The following TIAM2 variants were observed in gnomAD, a reference collection of about 807,000 sequenced individuals.
The protein encoded by TIAM2 is TIAM Rac1 associated GEF 2.
Under a neutral mutation model 152.9 loss-of-function variants are expected in TIAM2, and 80 were observed. That is an observed-to-expected ratio of 0.52 (90% CI 0.44 to 0.63). TIAM2 has a LOEUF of 0.63. TIAM2 is among the 30% of genes least tolerant of loss of function. The probability of loss-of-function intolerance (pLI) is 0.00; values close to 1 mark genes in which losing one functional copy is unlikely to be tolerated. For synonymous variants in TIAM2, 804 were observed against 838.0 expected (o/e 0.96, Z 0.70); for missense variants, 1,965 against 2,120.1 (o/e 0.93, Z 1.44).
intron 19 of TIAM2, 84 bp from the exon 20 acceptor site, chr6:155,247,916 T>C: frequency 5.5e-6 from 8 of 1,463,530 alleles, no homozygotes; most frequent in Non-Finnish European, 7.4e-6. Flanking sequence ...TAGAAATAGA[T>C]GATCTATAAA....
intron 4 of TIAM2, among the ~76,000 whole-genome samples, chr6:155,133,909 G>T (rs1779499787): frequency 6.6e-6 from 1 of 152,070 alleles, no homozygotes. Flanking sequence ...TAGAGACGGG[G>T]TTTCTCCATG....
At chr6:155,196,505 G>A (rs1398701167) in intron 14 of TIAM2, among the ~76,000 whole-genome samples, 1 of 152,154 alleles carries the variant, frequency 6.6e-6, no homozygotes, top group African/African-American at 2.4e-5. Flanking sequence ...GGAAGCGGGA[G>A]TTACTCAATG....
intron 2 of TIAM2, among the ~76,000 whole-genome samples, chr6:155,099,323 C>T (rs1778500582): frequency 6.6e-6 from 1 of 150,852 alleles, no homozygotes; most frequent in Non-Finnish European, 1.5e-5. Context: ...CATTTAATGC[C>T]TTTGAAACAC....
At chr6:155,212,918 A>G (rs1446884141) in intron 15 of TIAM2, among the ~76,000 whole-genome samples, 1 of 152,178 alleles carries the variant, frequency 6.6e-6, no homozygotes, top group Non-Finnish European at 1.5e-5. Flanking sequence ...GTTCCCTGTG[A>G]AGCTACGGCT....
chr6:155,008,696 T>C (rs1158882251), intron 1 of TIAM2, among the ~76,000 whole-genome samples: 1 of 152,240 alleles, frequency 6.6e-6, no homozygotes, highest in East Asian at 1.9e-4. Context: ...TCAGTTCTTC[T>C]GAGGCTCAGT....
In TIAM2 at chr6:155,220,567, A is replaced by G. The variant is rs181595557; in HGVS notation, c.3168+9260A>G. On this transcript the variant is annotated intron_variant, in intron 15 of 26. Transcript: ENST00000682666. The stretch of plus-strand genomic sequence containing the variant: ...TTGGAAGGATGCAGGGAGGTCACCA[A>G]TTGCCCTTCTTCCCCTTTCCTTTCT... Among the ~76,000 whole-genome samples the G allele has an allele frequency of 3.3e-3, 488 of 146,798 alleles. 2 individuals are homozygous for G. Among genetic ancestry groups the G allele is most frequent in the African/African-American group, 0.011 (459 of 41,054 alleles).
intron 1 of TIAM2, among the ~76,000 whole-genome samples, chr6:155,041,145 TC>T (rs1195641722): frequency 6.6e-6 from 1 of 152,172 alleles, no homozygotes; most frequent in Non-Finnish European, 1.5e-5. Context: ...AGAATTTGGA[TC>T]CTAAATTAAA....
Position 155,253,992 on chromosome 6 carries a change from A to G in TIAM2, c.4245A>G (p.Ile1415Met). 1 of 1,613,836 alleles carries G rather than the reference A, an allele frequency of 6.2e-7. No homozygotes were observed. The highest frequency in any genetic ancestry group is 8.5e-7 in the Non-Finnish European group (1 of 1,179,908). Reference sequence around the variant, plus strand: ...ACATAGGGACAGAAAATAATTCCATATGGGAACTGATCCATACGAAGTCAG... The same window carrying G: ...ACATAGGGACAGAAAATAATTCCATGTGGGAACTGATCCATACGAAGTCAG... ...GNPAGTENNS[I>M]WELIHTKSEI... is the part of the protein sequence containing the mutation. The change falls in exon 25 of 27, where the codon ATA (isoleucine) becomes ATG (methionine). Residue 1415 changes from isoleucine (I) to methionine (M), a missense_variant. Physicochemically the swap from Ile to Met is conservative, Grantham distance 10. Coordinates refer to ENST00000682666, the MANE Select transcript of TIAM2 (RefSeq NM_012454.4).
At chr6:155,018,477 G>C (rs1778638047) in intron 1 of TIAM2, among the ~76,000 whole-genome samples, 1 of 151,394 alleles carries the variant, frequency 6.6e-6, no homozygotes, top group Middle Eastern at 3.4e-3. Flanking sequence ...AAATTAGCCA[G>C]GCATGGTGGC....
rs564986314 is a variant in TIAM2, at chr6:155,171,467, C to T, written c.2362-5349C>T. ...GACAGCCCCTGGGCCTTGGCCCCTTCTTCTGGAAAATTGGCTTGGGGTATT... is the reference window on the plus strand; with the variant it reads ...GACAGCCCCTGGGCCTTGGCCCCTTTTTCTGGAAAATTGGCTTGGGGTATT... On this transcript the variant is annotated intron_variant, in intron 9 of 26. Coordinates refer to ENST00000682666, the MANE Select transcript of TIAM2 (RefSeq NM_012454.4). Among the ~76,000 whole-genome samples the T allele has an allele frequency of 1.3e-3, 200 of 152,276 alleles. 1 individual carries two copies. Among genetic ancestry groups the T allele is most frequent in the African/African-American group, 4.6e-3 (193 of 41,546 alleles).
intron 2 of TIAM2, among the ~76,000 whole-genome samples, chr6:155,104,128 G>A (rs1431927249): frequency 1.4e-5 from 2 of 140,392 alleles, no homozygotes; most frequent in Admixed American, 8.0e-5. Flanking sequence ...CTTGGCCTCC[G>A]TGGCAACCTC....
chr6:155,148,801 G>A (rs1462102673), intron 7 of TIAM2, among the ~76,000 whole-genome samples: 2 of 152,170 alleles, frequency 1.3e-5, no homozygotes, highest in East Asian at 1.9e-4. Flanking sequence ...AGAGAAGCAC[G>A]TAACGAAATG....
At chr6:155,028,784 A>T in intron 1 of TIAM2, among the ~76,000 whole-genome samples, 1 of 117,144 alleles carries the variant, frequency 8.5e-6, no homozygotes, top group East Asian at 2.9e-4. Context: ...TACTACATGT[A>T]ATATATATAC....
At chr6:155,046,664 T>C (rs1777183460) in intron 1 of TIAM2, among the ~76,000 whole-genome samples, 1 of 152,054 alleles carries the variant, frequency 6.6e-6, no homozygotes. Context: ...ACAGGGAGAA[T>C]TGGATCGCAA....
At chr6:155,127,864 T>C (rs572709308) in intron 3 of TIAM2, among the ~76,000 whole-genome samples, 1 of 152,312 alleles carries the variant, frequency 6.6e-6, no homozygotes, top group South Asian at 2.1e-4. Context: ...AATAGTGATA[T>C]ACTGGTTTGA....
At chr6:155,189,883 G>C (rs1049678666) in intron 14 of TIAM2, among the ~76,000 whole-genome samples, 2 of 152,156 alleles carry the variant, frequency 1.3e-5, no homozygotes, top group Non-Finnish European at 2.9e-5. Context: ...TTTGATCTCA[G>C]CGCTGCAGTT....
At chr6:155,192,484 C>CTT (rs781100132) in intron 14 of TIAM2, among the ~76,000 whole-genome samples, 4 of 152,240 alleles carry the variant, frequency 2.6e-5, no homozygotes, top group South Asian at 2.1e-4. Flanking sequence ...CCCTAAAGAG[C>CTT]TTTAGTTATG....
chr6:155,214,980 A>G lies in TIAM2; in HGVS notation c.3168+3673A>G, dbSNP rs1247535509. Among the ~76,000 whole-genome samples the G allele has an allele frequency of 6.6e-6, 1 of 152,036 alleles. No individual in the cohort carries two copies. Among genetic ancestry groups the G allele is most frequent in the East Asian group, 1.9e-4 (1 of 5,184 alleles). ...TTAGAAAATCAAATCCTCCTGAAAC[A>G]CTGATAGAGCAAGGCCATGTATTTA... On this transcript the variant is annotated intron_variant, in intron 15 of 26. Transcript: ENST00000682666. The surrounding 1 kb of genome is among the most constrained non-coding windows in gnomAD (Gnocchi z 5.4).
intron 25 of TIAM2, 78 bp downstream of exon 25, chr6:155,254,138 C>T: frequency 1.4e-6 from 2 of 1,456,850 alleles, no homozygotes; most frequent in South Asian, 1.3e-5. Context: ...ATATTTAGTG[C>T]CCTCCTGAAT....
Sources: allele counts gnomAD v4.1 joint callset (sites outside exome capture counted in the v4.1 genomes callset), GRCh38; gene constraint gnomAD v4.1.1; non-coding constraint Gnocchi (gnomAD v3.1); transcripts MANE v1.5; gene names NCBI Gene and HGNC (gene_info 2026-07-23, HGNC 2026-07-21).